TMLHE: variants seen among roughly 807,000 people sequenced by gnomAD.
The protein encoded by TMLHE is trimethyllysine dioxygenase, mitochondrial.
In TMLHE, 18 loss-of-function variants were observed where a neutral mutation model predicts 25.7. The observed-to-expected ratio is 0.70, with a 90% CI of 0.48 to 1.04. The LOEUF (loss-of-function observed/expected upper bound fraction) is 1.04, where lower values mean the gene tolerates loss of function less well. Among genes scored for constraint, TMLHE ranks in the 50% least tolerant of loss-of-function variants. The pLI, the probability that TMLHE is intolerant of heterozygous loss-of-function variation, is 0.00. For synonymous variants in TMLHE, 105 were observed against 97.0 expected, an observed-to-expected ratio of 1.08 and a Z score of -0.49; for missense variants, 236 against 259.0, an observed-to-expected ratio of 0.91 and a Z score of 0.61.
chrX:155,505,744 A>G (rs2124316031), intron 6 of TMLHE, among the ~76,000 whole-genome samples: 1 of 111,469 alleles, frequency 9.0e-6, no homozygotes, highest in South Asian at 3.7e-4. Context: ...CTCTGTCGTC[A>G]CTATAATGAG....
intron 1 of TMLHE, among the ~76,000 whole-genome samples, chrX:155,568,363 T>C (rs1380677246): frequency 1.6e-5 from 1 of 61,259 alleles, no homozygotes; most frequent in Non-Finnish European, 4.6e-5. Context: ...CCCACCACAG[T>C]TCAAGGAGGC....
intron 1 of TMLHE, among the ~76,000 whole-genome samples, chrX:155,605,236 C>G (rs1444702551): frequency 9.0e-6 from 1 of 111,687 alleles, no homozygotes; most frequent in Non-Finnish European, 1.9e-5. Context: ...TATGATAGAG[C>G]TGAAAAACAT....
At chrX:155,554,991 C>A (rs2067439734) in intron 1 of TMLHE, among the ~76,000 whole-genome samples, 1 of 109,391 alleles carries the variant, frequency 9.1e-6, no homozygotes, top group African/African-American at 3.4e-5. Context: ...GTCAACTCAT[C>A]ATTTACATTA....
At chrX:155,588,175 TAG>T (rs373236941) in intron 1 of TMLHE, among the ~76,000 whole-genome samples, 1 of 111,849 alleles carries the variant, frequency 8.9e-6, no homozygotes, top group Non-Finnish European at 1.9e-5. Context: ...TGGAACAGAA[TAG>T]AGAGTCTAGA....
At chrX:155,543,471 G>T (rs2124408106) in intron 2 of TMLHE, among the ~76,000 whole-genome samples, 1 of 111,555 alleles carries the variant, frequency 9.0e-6, no homozygotes, top group East Asian at 2.8e-4. Context: ...TTTAACCAAG[G>T]AGATTAATAA....
rs782098532 is a variant in TMLHE, at chrX:155,550,087, C to T, written c.-1-4810G>A. 2.6e-4 allele frequency among the ~76,000 whole-genome samples: 29 copies of T among 110,467 alleles called. 2 individuals carry two copies. Among genetic ancestry groups the T allele is most frequent in the African/African-American group, 6.7e-4 (20 of 29,867 alleles). ...TTTATGGCTGCATAGTATTCCGTGG[C>T]GTATATGTGCCACATTTTCTTTATC... On this transcript the variant is annotated intron_variant, in intron 1 of 7. Coordinates refer to ENST00000334398, the MANE Select transcript of TMLHE (RefSeq NM_018196.4).
chrX:155,582,661 G>A (rs1482819870), intron 1 of TMLHE, among the ~76,000 whole-genome samples: 2 of 112,037 alleles, frequency 1.8e-5, no homozygotes, highest in Non-Finnish European at 3.8e-5. Flanking sequence ...TCATTAAAAA[G>A]TCAGGAAACA....
chrX:155,579,729 G>A (rs1202962265), intron 1 of TMLHE, among the ~76,000 whole-genome samples: 1 of 110,537 alleles, frequency 9.0e-6, no homozygotes, highest in African/African-American at 3.3e-5. Context: ...CATCTTTATA[G>A]GACATCATTT....
chrX:155,582,293 G>A lies in TMLHE; in HGVS notation c.-2+30499C>T, dbSNP rs1165093553. Among the ~76,000 whole-genome samples the A allele has an allele frequency of 4.5e-5, 5 of 112,102 alleles. No individual in the cohort carries two copies. In the Admixed American group the frequency reaches 4.7e-4, roughly 11 times the overall value. On this transcript the variant is annotated intron_variant, in intron 1 of 7. Transcript: ENST00000334398. ...GGACTTCATGACTAAAACACCAAAA[G>A]CAATGGCAACAAAAGCCAAAACTGA...
chrX:155,598,697 T>TGTA (rs1569562264), intron 1 of TMLHE, among the ~76,000 whole-genome samples: 1 of 109,697 alleles, frequency 9.1e-6, no homozygotes, highest in Non-Finnish European at 1.9e-5. Context: ...AAACTTAAAG[T>TGTA]ATAATAATAA....
intron 2 of TMLHE, among the ~76,000 whole-genome samples, chrX:155,532,361 G>A (rs782422074): frequency 1.8e-4 from 20 of 111,878 alleles, no homozygotes; most frequent in Admixed American, 1.4e-3. Context: ...CCTTCTAATA[G>A]TCTTGAGCTT....
Position 155,545,321 on chromosome X carries a change from C to T in TMLHE, c.-1-44G>A, listed in dbSNP as rs372832403. On this transcript the variant is annotated intron_variant, in intron 1 of 7. Coordinates refer to ENST00000334398, the MANE Select transcript of TMLHE (RefSeq NM_018196.4). Reference sequence around the variant, plus strand: ...ACAAGTTAGTAGTAATATACAACAACTTTTATGAGGCTATAGGAATAACAC... The same window carrying T: ...ACAAGTTAGTAGTAATATACAACAATTTTTATGAGGCTATAGGAATAACAC... 5.1e-5 allele frequency: 52 copies of T among 1,027,315 alleles called. No individual in the cohort carries two copies. The African/African-American group carries it at 8.2e-4, about 16-fold the overall frequency. 84.7% of individuals were successfully genotyped at this position (1,027,315 alleles called of 1,213,427 possible). A position where few individuals can be genotyped will look rare whatever the true frequency, so the allele number is the denominator to read the frequency against.
In TMLHE at chrX:155,514,105, G is replaced by A; in HGVS notation, c.519C>T (p.Thr173=). The change falls in exon 4 of 8, where the codon ACC becomes ACT. Residue 173 remains threonine, a synonymous_variant. Transcript: ENST00000334398. ...GCAGAAACTTCTTCAGTCCCTCGTTGGTTTCTAAGAAGCTCTGGCAATCTA... is the reference window on the plus strand; with the variant it reads ...GCAGAAACTTCTTCAGTCCCTCGTTAGTTTCTAAGAAGCTCTGGCAATCTA... ...PSVDCQSFLE[T]NEGLKKFLQN... is the part of the protein sequence containing the mutation. 8.3e-7 allele frequency: 1 copy of A among 1,210,995 alleles called. No individual in the cohort carries two copies. Among genetic ancestry groups the A allele is most frequent in the Non-Finnish European group, 1.1e-6 (1 of 895,128 alleles).
At chrX:155,504,716 TA>T (rs1311276783) in intron 6 of TMLHE, among the ~76,000 whole-genome samples, 2 of 110,781 alleles carry the variant, frequency 1.8e-5, no homozygotes, top group East Asian at 2.8e-4. Flanking sequence ...GAAAACATAT[TA>T]AAAAAAACAC....
chrX:155,505,731 T>G (rs2067072406), intron 6 of TMLHE, among the ~76,000 whole-genome samples: 1 of 111,702 alleles, frequency 9.0e-6, no homozygotes, highest in African/African-American at 3.2e-5. Context: ...TTATTTTTAA[T>G]TACTCTGTCG....
intron 1 of TMLHE, among the ~76,000 whole-genome samples, chrX:155,548,598 G>C (rs1339549509): frequency 1.8e-5 from 2 of 108,664 alleles, no homozygotes; most frequent in Non-Finnish European, 3.8e-5. Context: ...AGCCGGGTGT[G>C]GTGGCACACA....
At chrX:155,548,529 TA>T (rs2067377362) in intron 1 of TMLHE, among the ~76,000 whole-genome samples, 2 of 107,596 alleles carry the variant, frequency 1.9e-5, no homozygotes, top group Non-Finnish European at 3.8e-5. Flanking sequence ...AGGTCAGCAG[TA>T]TGAGGCCAGC....
At chrX:155,583,849 T>A in intron 1 of TMLHE, among the ~76,000 whole-genome samples, 1 of 110,876 alleles carries the variant, frequency 9.0e-6, no homozygotes, top group Non-Finnish European at 1.9e-5. Flanking sequence ...ATTTAATGAG[T>A]ACAATGCACA....
intron 2 of TMLHE, among the ~76,000 whole-genome samples, chrX:155,529,478 GT>G (rs1336791034): frequency 2.7e-5 from 3 of 111,951 alleles, no homozygotes; most frequent in Non-Finnish European, 5.6e-5. Flanking sequence ...GTGTACAAGA[GT>G]TCCTTTTTCT....
Sources: allele counts gnomAD v4.1 joint callset (sites outside exome capture counted in the v4.1 genomes callset), GRCh38; gene constraint gnomAD v4.1.1; transcripts MANE v1.5; gene names NCBI Gene and HGNC (gene_info 2026-07-23, HGNC 2026-07-21).